THSD7A: variants seen among roughly 807,000 people sequenced by gnomAD.
THSD7A encodes thrombospondin type 1 domain containing 7A.
In THSD7A, 96 loss-of-function variants were observed where a neutral mutation model predicts 231.3. The ratio of observed to expected loss-of-function variants is 0.41; its 90% CI spans 0.35 to 0.49. The LOEUF is 0.49. Among genes scored for constraint, THSD7A ranks in the 20% least tolerant of loss-of-function variants. The pLI is 0.05. For synonymous variants in THSD7A, 940 were observed against 743.3 expected (o/e 1.26, Z -4.30); for missense variants, 2,290 against 2,070.2 (o/e 1.11, Z -2.06).
At position 11,420,035 on chromosome 7, in the gene THSD7A, C is replaced by T. The variant is rs1026306273; in HGVS notation, c.3384-2432G>A. On this transcript the variant is annotated intron_variant, in intron 16 of 27. Coordinates refer to ENST00000423059, the MANE Select transcript of THSD7A (RefSeq NM_015204.3). ...TTATTTGGATAAACAAGTAAATGAC[C>T]CCAAACTGGAACTTATATTTAAAAA... is the stretch of plus-strand genomic sequence containing the variant. Among the ~76,000 whole-genome samples, 4 of 152,150 alleles carry T rather than the reference C, an allele frequency of 2.6e-5. No homozygotes were observed. In the South Asian group the frequency reaches 8.3e-4, roughly 32 times the overall value.
intron 1 of THSD7A, among the ~76,000 whole-genome samples, chr7:11,769,716 T>G (rs1306389037): frequency 6.6e-6 from 1 of 152,164 alleles, no homozygotes; most frequent in African/African-American, 2.4e-5. Flanking sequence ...TTTCCTTCTA[T>G]TTATTTATAT....
chr7:11,475,658 C>T (rs558631978), intron 7 of THSD7A, among the ~76,000 whole-genome samples: 1 of 148,974 alleles, frequency 6.7e-6, no homozygotes, highest in East Asian at 1.9e-4. Flanking sequence ...ATGAATCCTG[C>T]ATTCTTCAAA....
intron 9 of THSD7A, among the ~76,000 whole-genome samples, chr7:11,463,089 A>G (rs1785566673): frequency 6.6e-6 from 1 of 152,204 alleles, no homozygotes; most frequent in Admixed American, 6.5e-5. Context: ...CAAATATTTC[A>G]TACATAGACT....
At chr7:11,567,299 TA>T (rs1184092538) in intron 4 of THSD7A, among the ~76,000 whole-genome samples, 1 of 151,832 alleles carries the variant, frequency 6.6e-6, no homozygotes, top group East Asian at 1.9e-4. Flanking sequence ...AAGTGCAGAG[TA>T]AAGGGGGAAG....
chr7:11,471,010 A>C (rs2128301270), intron 8 of THSD7A, among the ~76,000 whole-genome samples: 1 of 152,074 alleles, frequency 6.6e-6, no homozygotes, highest in South Asian at 2.1e-4. Context: ...GAGAAGTAAT[A>C]ATTTTTAAAT....
chr7:11,583,634 T>C (rs546425615), intron 4 of THSD7A, among the ~76,000 whole-genome samples: 65 of 152,274 alleles, frequency 4.3e-4, no homozygotes, highest in Non-Finnish European at 7.6e-4. Context: ...TTACTGCTTG[T>C]TAGGCATTTT....
chr7:11,471,561 C>T (rs978846864), intron 8 of THSD7A, among the ~76,000 whole-genome samples: 1 of 151,940 alleles, frequency 6.6e-6, no homozygotes, highest in Non-Finnish European at 1.5e-5. Flanking sequence ...TCAATGCTCT[C>T]CTCTCTTACT....
chr7:11,730,443 CAT>C (rs1049267078), intron 1 of THSD7A, among the ~76,000 whole-genome samples: 48 of 151,296 alleles, frequency 3.2e-4, no homozygotes, highest in African/African-American at 1.1e-3. Context: ...TATAAAAGTT[CAT>C]GTTTTAAAAT....
chr7:11,413,579 C>T (rs530372590), intron 17 of THSD7A, among the ~76,000 whole-genome samples: 281 of 152,194 alleles, frequency 1.8e-3, no homozygotes, highest in African/African-American at 5.9e-3. Context: ...CCTGGGTTTT[C>T]GGGGTGAGCT....
chr7:11,449,836 A>G (rs1182715314), intron 11 of THSD7A, among the ~76,000 whole-genome samples: 1 of 152,034 alleles, frequency 6.6e-6, no homozygotes, highest in Non-Finnish European at 1.5e-5. Context: ...AAAAATTGAT[A>G]AAGAGAAAGA....
intron 1 of THSD7A, among the ~76,000 whole-genome samples, chr7:11,789,444 G>C (rs1234761686): frequency 1.3e-5 from 2 of 151,978 alleles, no homozygotes; most frequent in Non-Finnish European, 2.9e-5. Context: ...AGTCAGCCAG[G>C]CTAGAGAAAA....
chr7:11,424,678 A>T lies in THSD7A; in HGVS notation c.3383+18T>A. The T allele has an allele frequency of 6.2e-7, 1 of 1,613,716 alleles. No individual in the cohort carries two copies. Among genetic ancestry groups the T allele is most frequent in the East Asian group, 2.2e-5 (1 of 44,874 alleles). On this transcript the variant is annotated intron_variant, in intron 16 of 27. Transcript: ENST00000423059. ...AGTTTTGTGTCTTGCTTTTCTGTAT[A>T]ATTAGGCTTTGTCTTACCTCACTTT...
chr7:11,482,240 C>T (rs1049127184), intron 6 of THSD7A, among the ~76,000 whole-genome samples: 19 of 152,272 alleles, frequency 1.2e-4, no homozygotes, highest in Non-Finnish European at 2.5e-4. Context: ...ATTGCTGAGA[C>T]GATTCTTATG....
intron 4 of THSD7A, among the ~76,000 whole-genome samples, chr7:11,561,211 A>G (rs1790063076): frequency 6.6e-6 from 1 of 152,182 alleles, no homozygotes; most frequent in South Asian, 2.1e-4. Flanking sequence ...AGCTAAATAC[A>G]CAGGCACACA....
intron 1 of THSD7A, among the ~76,000 whole-genome samples, chr7:11,786,767 A>T (rs1280152700): frequency 7.8e-6 from 1 of 127,510 alleles, no homozygotes; most frequent in African/African-American, 3.2e-5. Flanking sequence ...AATAAAAAAA[A>T]AAAAAAAAAA....
intron 1 of THSD7A, among the ~76,000 whole-genome samples, chr7:11,729,431 C>A (rs1484660738): frequency 6.6e-6 from 1 of 151,636 alleles, no homozygotes; most frequent in African/African-American, 2.4e-5. Flanking sequence ...TATTCCTGGA[C>A]AATAAATGCA....
At chr7:11,667,073 A>C in intron 1 of THSD7A, among the ~76,000 whole-genome samples, 1 of 152,058 alleles carries the variant, frequency 6.6e-6, no homozygotes, top group East Asian at 1.9e-4. Flanking sequence ...TTATTTCAAT[A>C]GTTTTGGGGG....
Position 11,446,124 on chromosome 7 carries a change from G to T in THSD7A, c.3001C>A (p.Gln1001Lys). ...TTTTGATCGTAGCATGCCATTGCTT[G>T]GTAACGATATCCTTGTCCGCATTCC... ...IKECGQGYRYQAMACYDQNGR... is the reference protein window; with the variant it reads ...IKECGQGYRYKAMACYDQNGR... The change falls in exon 13 of 28, where the codon CAA becomes AAA. Residue 1001 changes from glutamine (Q) to lysine (K), a missense_variant. Coordinates refer to ENST00000423059, the MANE Select transcript of THSD7A (RefSeq NM_015204.3). This position sits in a 1 kb window ranked among gnomAD's most constrained non-coding sequence, Gnocchi z 4.0. 1 of 1,613,408 alleles carries T rather than the reference G, an allele frequency of 6.2e-7. No individual in the cohort carries two copies.
intron 1 of THSD7A, among the ~76,000 whole-genome samples, chr7:11,812,614 T>G (rs989467011): frequency 6.6e-6 from 1 of 152,184 alleles, no homozygotes; most frequent in African/African-American, 2.4e-5. Context: ...TATCTCCCTG[T>G]GCTTGTGTGA....
Sources: allele counts gnomAD v4.1 joint callset (sites outside exome capture counted in the v4.1 genomes callset), GRCh38; gene constraint gnomAD v4.1.1; non-coding constraint Gnocchi (gnomAD v3.1); transcripts MANE v1.5; gene names NCBI Gene and HGNC (gene_info 2026-07-23, HGNC 2026-07-21).